The following CCNY variants were observed in gnomAD, a reference collection of about 807,000 sequenced individuals.
CCNY encodes the protein cyclin Y.
Under a neutral mutation model 42.8 loss-of-function variants are expected in CCNY, and 19 were observed. The ratio of observed to expected loss-of-function variants is 0.44; its 90% CI spans 0.31 to 0.65. The LOEUF is 0.65. Ranked by LOEUF, CCNY falls within the 30% of genes least tolerant of loss-of-function variation. CCNY has a pLI of 0.07. For synonymous variants in CCNY, 165 were observed against 162.7 expected (o/e 1.01, Z -0.11); for missense variants, 370 against 437.3 (o/e 0.85, Z 1.37).
At chr10:35,378,961 A>T (rs1837115907) in intron 1 of CCNY, among the ~76,000 whole-genome samples, 1 of 152,156 alleles carries the variant, frequency 6.6e-6, no homozygotes, top group Non-Finnish European at 1.5e-5. Context: ...TCATGGCCAG[A>T]GTCAAGGGAG....
At chr10:35,510,371 C>T (rs1198380848) in intron 3 of CCNY, among the ~76,000 whole-genome samples, 1 of 152,148 alleles carries the variant, frequency 6.6e-6, no homozygotes, top group Non-Finnish European at 1.5e-5. Flanking sequence ...TGCATCACCA[C>T]ACCTGGCTAA....
chr10:35,566,474 T>G (rs1841574880), intron 9 of CCNY, among the ~76,000 whole-genome samples: 1 of 152,222 alleles, frequency 6.6e-6, no homozygotes, highest in South Asian at 2.1e-4. Context: ...CTCAAGTAGC[T>G]GGGATTACAG....
intron 1 of CCNY, among the ~76,000 whole-genome samples, chr10:35,365,829 T>G (rs887832637): frequency 5.9e-5 from 9 of 152,250 alleles, no homozygotes; most frequent in Non-Finnish European, 1.2e-4. Flanking sequence ...TCTTCTGTTA[T>G]CTGAAAATTA....
At chr10:35,478,917 A>G (rs1839587712) in intron 1 of CCNY, among the ~76,000 whole-genome samples, 1 of 152,208 alleles carries the variant, frequency 6.6e-6, no homozygotes, top group Non-Finnish European at 1.5e-5. Context: ...ATTTACAAGA[A>G]AAACAACCGC....
Position 35,337,021 on chromosome 10 carries a change from AG to A in CCNY, c.-31del, listed in dbSNP as rs770439370. ...CCCCGCTCCCGGGGACTGGGAGAAC[AG>A]GATAGCAGCAGGAGTCGGGGGGCCG... On this transcript the variant is annotated 5_prime_UTR_variant, in exon 1 of 10. Coordinates refer to ENST00000374704, the MANE Select transcript of CCNY (RefSeq NM_145012.6). The A allele has an allele frequency of 6.9e-7, 1 of 1,452,542 alleles. No homozygotes were observed. The highest frequency in any genetic ancestry group is 2.1e-5 in the Admixed American group (1 of 46,996). 90.0% of individuals were successfully genotyped at this position (1,452,542 alleles called of 1,614,324 possible).
chr10:35,325,345 A>T (rs1564369148), intron 3 of CCNY, among the ~76,000 whole-genome samples: 1 of 151,860 alleles, frequency 6.6e-6, no homozygotes, highest in African/African-American at 2.4e-5. Context: ...CACCTGGCTA[A>T]TTTTTTTATT....
intron 1 of CCNY, among the ~76,000 whole-genome samples, chr10:35,393,601 C>A (rs1388834425): frequency 6.6e-6 from 1 of 152,208 alleles, no homozygotes; most frequent in South Asian, 2.1e-4. Context: ...TTTTTCCTTA[C>A]ATCTTTTCCC....
chr10:35,326,004 A>C (rs1835876085), intron 3 of CCNY, among the ~76,000 whole-genome samples: 1 of 152,190 alleles, frequency 6.6e-6, no homozygotes, highest in African/African-American at 2.4e-5. Flanking sequence ...TGAGCCCAGG[A>C]GTTCAAGGCT....
chr10:35,535,001 G>GTGTA (rs1840854327), intron 7 of CCNY, among the ~76,000 whole-genome samples: 2 of 14,292 alleles, frequency 1.4e-4, no homozygotes, highest in African/African-American at 5.9e-4. Flanking sequence ...CTATATATAT[G>GTGTA]TGTGTGTGTG....
upstream of CCNY, among the ~76,000 whole-genome samples, chr10:35,335,266 T>C (rs1397061461): frequency 2.0e-5 from 3 of 152,144 alleles, no homozygotes; most frequent in Non-Finnish European, 4.4e-5. Context: ...TCACATACCT[T>C]GATCTTAGTC....
chr10:35,365,996 A>G (rs1456703634), intron 1 of CCNY, among the ~76,000 whole-genome samples: 3 of 152,230 alleles, frequency 2.0e-5, no homozygotes, highest in African/African-American at 7.2e-5. Context: ...ATTTTCATTG[A>G]CCTGAAAAAT....
intron 1 of CCNY, among the ~76,000 whole-genome samples, chr10:35,464,891 A>C (rs1839226158): frequency 6.6e-6 from 1 of 152,170 alleles, no homozygotes; most frequent in African/African-American, 2.4e-5. Flanking sequence ...TATGCTTTTC[A>C]GCTGTCTGCA....
intron 3 of CCNY, chr10:35,314,697 A>G (rs879610498): frequency 5.9e-5 from 9 of 152,110 alleles, no homozygotes; most frequent in Admixed American, 1.3e-4. Context: ...TTGAATGTCT[A>G]TAAGATTGCA....
intron 3 of CCNY, among the ~76,000 whole-genome samples, chr10:35,329,209 A>T (rs1233706166): frequency 6.6e-6 from 1 of 152,168 alleles, no homozygotes; most frequent in Admixed American, 6.5e-5. Context: ...AATTCTAATG[A>T]TTCCTTTTAT....
rs989679305 is a variant in CCNY at position 35,278,310 on chromosome 10, A to T, written c.-9+27684A>T. 3.3e-5 allele frequency among the ~76,000 whole-genome samples: 5 copies of T among 152,072 alleles called. No homozygotes were observed. In the East Asian group the frequency reaches 7.7e-4, roughly 24 times the overall value. On this transcript the variant is annotated intron_variant, in intron 3 of 11. Coordinates refer to the CCNY transcript ENST00000374706. Reference sequence around the variant, plus strand: ...GTGGGCCTGACAAGGGAGAGGAGAGAGCACACGCCGAAGGAGCTGGAGAAT... The same window carrying T: ...GTGGGCCTGACAAGGGAGAGGAGAGTGCACACGCCGAAGGAGCTGGAGAAT...
At chr10:35,289,878 C>CAA (rs35388058) in intron 3 of CCNY, among the ~76,000 whole-genome samples, 6 of 85,576 alleles carry the variant, frequency 7.0e-5, no homozygotes, top group African/African-American at 1.5e-4. Flanking sequence ...GACTCTGTCT[C>CAA]AAAAAAAAAA....
intron 9 of CCNY, 123 bp from the exon 10 acceptor site, chr10:35,568,931 C>T (rs979788482): frequency 4.0e-5 from 27 of 682,066 alleles, no homozygotes; most frequent in Admixed American, 1.5e-4. Context: ...GGCTCTGGGC[C>T]GGAGCTCCAC....
chr10:35,489,237 T>A (rs989867774), intron 2 of CCNY, among the ~76,000 whole-genome samples: 1 of 152,258 alleles, frequency 6.6e-6, no homozygotes, highest in Non-Finnish European at 1.5e-5. Context: ...GATGCCTCTA[T>A]GGGTTGATAT....
intron 8 of CCNY, among the ~76,000 whole-genome samples, chr10:35,561,476 A>C (rs1309134872): frequency 1.3e-5 from 2 of 152,210 alleles, no homozygotes; most frequent in African/African-American, 2.4e-5. Context: ...GCCATTTAGC[A>C]GTGTGTTAAT....
Sources: gnomAD v4.1 joint callset for allele counts (sites outside exome capture counted in the v4.1 genomes callset) on GRCh38, gnomAD v4.1.1 for gene constraint, MANE v1.5 for transcripts, NCBI Gene and HGNC (gene_info 2026-07-23, HGNC 2026-07-21) for gene names.